Variants in CPQ observed in about 807,000 individuals in gnomAD.
CPQ encodes Ser-Met dipeptidase.
CPQ carries 37 observed loss-of-function variants against 45.7 expected under a neutral mutation model. The ratio of observed to expected loss-of-function variants is 0.81; its 90% CI spans 0.62 to 1.07. CPQ has a LOEUF of 1.07. Ranked by LOEUF, CPQ falls within the 50% of genes least tolerant of loss-of-function variation. The probability of loss-of-function intolerance (pLI) is 0.00; values close to 1 mark genes in which losing one functional copy is unlikely to be tolerated. For synonymous variants in CPQ, 186 were observed against 205.8 expected (o/e 0.90, Z 0.82); for missense variants, 537 against 572.9 (o/e 0.94, Z 0.64).
chr8:96,670,323 T>A (rs77288725), intron 1 of CPQ, among the ~76,000 whole-genome samples: 105,382 of 149,784 alleles, frequency 0.7, 37,431 homozygotes, highest in Middle Eastern at 0.82. Flanking sequence ...TTTTTTTTTT[T>A]TTTTTTTTTT....
intron 7 of CPQ, among the ~76,000 whole-genome samples, chr8:97,116,871 C>T (rs986236575): frequency 6.6e-6 from 1 of 152,208 alleles, no homozygotes; most frequent in Non-Finnish European, 1.5e-5. Flanking sequence ...TGTCCTTTGG[C>T]CTATGGCCTT....
chr8:96,696,201 A>G (rs1380224576), intron 1 of CPQ, among the ~76,000 whole-genome samples: 1 of 151,998 alleles, frequency 6.6e-6, no homozygotes, highest in East Asian at 1.9e-4. Context: ...ACAAAAAACC[A>G]AACACCGCAT....
chr8:96,873,628 T>C (rs1392203284), intron 3 of CPQ, among the ~76,000 whole-genome samples: 7 of 151,746 alleles, frequency 4.6e-5, no homozygotes, highest in African/African-American at 1.7e-4. Context: ...TAAAAAAAAC[T>C]CTATGGAAAC....
At chr8:97,017,094 G>A (rs988772020) in intron 5 of CPQ, among the ~76,000 whole-genome samples, 1 of 152,210 alleles carries the variant, frequency 6.6e-6, no homozygotes, top group Non-Finnish European at 1.5e-5. Context: ...AAAAACTGTA[G>A]AAGTGGGAAA....
chr8:96,692,576 C>T (rs1375193937), intron 1 of CPQ, among the ~76,000 whole-genome samples: 3 of 152,120 alleles, frequency 2.0e-5, no homozygotes, highest in Non-Finnish European at 4.4e-5. Flanking sequence ...TATCCAAGAC[C>T]ATGAAGGCGA....
chr8:96,835,594 G>A (rs1364495961), intron 3 of CPQ, among the ~76,000 whole-genome samples: 4 of 152,156 alleles, frequency 2.6e-5, no homozygotes, highest in African/African-American at 9.7e-5. Flanking sequence ...GACATGATGG[G>A]GGCCATCTAT....
At chr8:97,032,644 G>A (rs902430730) in intron 6 of CPQ, among the ~76,000 whole-genome samples, 3 of 152,158 alleles carry the variant, frequency 2.0e-5, no homozygotes, top group African/African-American at 7.2e-5. Flanking sequence ...CTGCCCTGAG[G>A]TCTTTACCTC....
intron 5 of CPQ, 45 bp from the exon 6 acceptor site, chr8:97,029,358 C>G (rs1809855853): frequency 1.3e-6 from 2 of 1,529,630 alleles, no homozygotes; most frequent in Non-Finnish European, 1.8e-6. Context: ...TTATAAAATT[C>G]AAAATCAACT....
chr8:96,817,841 C>T (rs902518081), intron 2 of CPQ, among the ~76,000 whole-genome samples: 1 of 152,172 alleles, frequency 6.6e-6, no homozygotes, highest in Middle Eastern at 3.4e-3. Context: ...TCTCCAACTA[C>T]TGGATTCAAG....
intron 6 of CPQ, among the ~76,000 whole-genome samples, chr8:97,063,292 C>T (rs909052646): frequency 7.2e-5 from 11 of 152,136 alleles, no homozygotes; most frequent in African/African-American, 2.4e-4. Context: ...TGAGAAGCCT[C>T]TGTTCATGTC....
intron 4 of CPQ, among the ~76,000 whole-genome samples, chr8:96,892,196 G>A (rs4078388): frequency 0.56 from 85,490 of 152,002 alleles, 24,334 homozygotes; most frequent in South Asian, 0.68. Flanking sequence ...TCCCTTTGGA[G>A]AACAGCTTTA....
intron 7 of CPQ, among the ~76,000 whole-genome samples, chr8:97,104,280 C>A (rs1451531973): frequency 6.6e-6 from 1 of 152,040 alleles, no homozygotes; most frequent in Non-Finnish European, 1.5e-5. Context: ...TAAACTAAAC[C>A]ATCCCAAAGT....
intron 1 of CPQ, among the ~76,000 whole-genome samples, chr8:96,695,906 A>G (rs1424343257): frequency 1.3e-5 from 2 of 149,442 alleles, no homozygotes; most frequent in East Asian, 2.0e-4. Context: ...ATCTAGAACT[A>G]GAAATATCAT....
intron 1 of CPQ, among the ~76,000 whole-genome samples, chr8:96,730,308 T>G (rs2130769741): frequency 6.6e-6 from 1 of 152,216 alleles, no homozygotes; most frequent in Middle Eastern, 3.4e-3. Flanking sequence ...GAATAGAAAT[T>G]AAAGCTATGA....
intron 7 of CPQ, among the ~76,000 whole-genome samples, chr8:97,066,782 C>T (rs531545138): frequency 6.6e-6 from 1 of 152,122 alleles, no homozygotes; most frequent in South Asian, 2.1e-4. Context: ...CTAATTTACC[C>T]TGGGCAGTGA....
Position 97,099,916 on chromosome 8 carries a change from G to A in CPQ, c.1255+33706G>A, listed in dbSNP as rs543545679. Among the ~76,000 whole-genome samples the A allele has an allele frequency of 6.6e-5, 10 of 152,188 alleles. No individual in the cohort carries two copies. The South Asian group carries it at 1.5e-3, about 22-fold the overall frequency. On this transcript the variant is annotated intron_variant, in intron 7 of 7. Transcript: ENST00000220763. The stretch of plus-strand genomic sequence containing the variant: ...AAAATTATGAGAAAATAGAGTGAGC[G>A]GCTATCTCAAGTGTGTTTACTTGTC...
At chr8:96,757,399 A>G (rs905714068) in intron 1 of CPQ, among the ~76,000 whole-genome samples, 1 of 126,768 alleles carries the variant, frequency 7.9e-6, no homozygotes, top group African/African-American at 2.8e-5. Context: ...TAATAATAAT[A>G]ATTTCTTATT....
At chr8:96,844,472 CT>C (rs1380036477) in intron 3 of CPQ, among the ~76,000 whole-genome samples, 2 of 152,188 alleles carry the variant, frequency 1.3e-5, no homozygotes, top group African/African-American at 4.8e-5. Flanking sequence ...ATTGTTGGCT[CT>C]CCCATTTAGA....
chr8:97,018,886 T>C lies in CPQ; in HGVS notation c.962-10517T>C, dbSNP rs112368572. Among the ~76,000 whole-genome samples the C allele has an allele frequency of 5.1e-4, 77 of 152,234 alleles. 1 individual carries two copies. Among genetic ancestry groups the C allele is most frequent in the African/African-American group, 1.8e-3 (75 of 41,562 alleles). ...CAAATACAAGAAACTCAAAGAACAC[T>C]GGGAAATTCATCACAAAAAGATCAC... On this transcript the variant is annotated intron_variant, in intron 5 of 7. Coordinates refer to ENST00000220763, the MANE Select transcript of CPQ (RefSeq NM_016134.4).
Sources: gnomAD v4.1 joint callset for allele counts (sites outside exome capture counted in the v4.1 genomes callset) on GRCh38, gnomAD v4.1.1 for gene constraint, MANE v1.5 for transcripts, NCBI Gene and HGNC (gene_info 2026-07-23, HGNC 2026-07-21) for gene names.